TAOK3: variants seen among roughly 807,000 people sequenced by gnomAD.
TAOK3 encodes the protein serine/threonine-protein kinase TAO3.
TAOK3 carries 40 observed loss-of-function variants against 120.4 expected under a neutral mutation model. The observed-to-expected ratio is 0.33, with a 90% CI of 0.26 to 0.43. The LOEUF (loss-of-function observed/expected upper bound fraction) is 0.43. TAOK3 is among the 20% of genes least tolerant of loss of function. TAOK3 has a pLI of 1.00. For missense variants in TAOK3, 821 were observed against 1,112.1 expected (o/e 0.74, Z 3.72); for synonymous variants, 355 against 387.5 (o/e 0.92, Z 0.99).
intron 17 of TAOK3, among the ~76,000 whole-genome samples, chr12:118,164,665 G>A (rs1032561286): frequency 3.9e-5 from 6 of 152,080 alleles, no homozygotes; most frequent in Non-Finnish European, 5.9e-5. Flanking sequence ...TGATCCACCC[G>A]CCTCGGCCTT....
At chr12:118,275,714 T>C (rs2041879450) in intron 1 of TAOK3, among the ~76,000 whole-genome samples, 2 of 152,240 alleles carry the variant, frequency 1.3e-5, no homozygotes, top group Non-Finnish European at 2.9e-5. Flanking sequence ...CTTTAGGTTC[T>C]TTCCTGTTCT....
intron 15 of TAOK3, among the ~76,000 whole-genome samples, chr12:118,180,739 T>A (rs2036663148): frequency 6.6e-6 from 1 of 152,208 alleles, no homozygotes. Flanking sequence ...GCAGATACAG[T>A]AACAGACTTT....
intron 9 of TAOK3, among the ~76,000 whole-genome samples, chr12:118,221,891 C>T (rs1398193048): frequency 6.6e-6 from 1 of 151,830 alleles, no homozygotes; most frequent in Non-Finnish European, 1.5e-5. Flanking sequence ...GCCTCGGCCT[C>T]CTAAAGTGCT....
At chr12:118,154,127 T>A (rs758999461) in intron 19 of TAOK3, among the ~76,000 whole-genome samples, 1 of 152,208 alleles carries the variant, frequency 6.6e-6, no homozygotes, top group Admixed American at 6.5e-5. Flanking sequence ...CCTCTTGATA[T>A]GGGAGGTTCC....
chr12:118,368,649 T>A (rs1418044331), intron 1 of TAOK3, among the ~76,000 whole-genome samples: 1 of 149,766 alleles, frequency 6.7e-6, no homozygotes, highest in Non-Finnish European at 1.5e-5. Context: ...CTAATAAAAA[T>A]ACAAACATTA....
At chr12:118,191,066 C>A (rs1177553981) in intron 13 of TAOK3, among the ~76,000 whole-genome samples, 1 of 152,016 alleles carries the variant, frequency 6.6e-6, no homozygotes, top group Admixed American at 6.6e-5. Flanking sequence ...TTATCCATGA[C>A]CACTTGAAAT....
intron 15 of TAOK3, among the ~76,000 whole-genome samples, chr12:118,178,000 G>A (rs1593051087): frequency 6.6e-6 from 1 of 152,238 alleles, no homozygotes; most frequent in South Asian, 2.1e-4. Context: ...AGGCTGGAGT[G>A]CAGTGGCTCG....
chr12:118,169,960 A>T (rs2035895574), intron 17 of TAOK3, among the ~76,000 whole-genome samples: 1 of 151,862 alleles, frequency 6.6e-6, no homozygotes, highest in Non-Finnish European at 1.5e-5. Context: ...CGACCTCGTG[A>T]TCCGCCCGCC....
At chr12:118,296,963 G>A (rs982243139) in intron 1 of TAOK3, 5 of 152,100 alleles carry the variant, frequency 3.3e-5, no homozygotes, top group Non-Finnish European at 5.9e-5. Context: ...GCCTTCAGGC[G>A]GGACATGAAC....
At chr12:118,325,313 T>G (rs890503694) in intron 1 of TAOK3, among the ~76,000 whole-genome samples, 1 of 152,246 alleles carries the variant, frequency 6.6e-6, no homozygotes, top group African/African-American at 2.4e-5. Flanking sequence ...TTCTCCATAG[T>G]GGCTGTACTA....
intron 3 of TAOK3, among the ~76,000 whole-genome samples, chr12:118,252,086 C>G (rs1486425038): frequency 6.6e-6 from 1 of 152,160 alleles, no homozygotes; most frequent in South Asian, 2.1e-4. Context: ...CTCCCAAGTG[C>G]TGGGACTACA....
At position 118,371,948 on chromosome 12, in the gene TAOK3, C is replaced by G. The variant is rs1176871596; in HGVS notation, c.-194+700G>C. Among the ~76,000 whole-genome samples, 1 of 150,850 alleles carries G rather than the reference C, an allele frequency of 6.6e-6. No homozygotes were observed. The highest frequency in any genetic ancestry group is 6.6e-5 in the Admixed American group (1 of 15,190). On this transcript the variant is annotated intron_variant, in intron 1 of 20. Coordinates refer to ENST00000392533, the MANE Select transcript of TAOK3 (RefSeq NM_016281.4). This position sits in a 1 kb window ranked among gnomAD's most constrained non-coding sequence, Gnocchi z 5.5. ...GGTCACCCTGCTCCCACCCGCTGTC[C>G]CGGCCTCTCTCTAGGTGTCCTGCTC...
At chr12:118,244,638 C>T (rs1338316351) in intron 4 of TAOK3, among the ~76,000 whole-genome samples, 1 of 150,200 alleles carries the variant, frequency 6.7e-6, no homozygotes, top group East Asian at 2.0e-4. Flanking sequence ...ACGCCATTCT[C>T]CTGCCTCAGT....
intron 1 of TAOK3, among the ~76,000 whole-genome samples, chr12:118,321,970 A>T (rs1413031233): frequency 6.6e-6 from 1 of 152,180 alleles, no homozygotes; most frequent in African/African-American, 2.4e-5. Context: ...ATTTAAAAGC[A>T]ATGTGTAAGA....
rs1027017972 is a variant in TAOK3 at position 118,152,501 on chromosome 12, C to T, written c.2353-92G>A. 3 of 1,334,272 alleles carry T rather than the reference C, an allele frequency of 2.2e-6. No homozygotes were observed. In the South Asian group the frequency reaches 4.3e-5, roughly 19 times the overall value. 82.7% of individuals were successfully genotyped at this position (1,334,272 alleles called of 1,614,324 possible). On this transcript the variant is annotated intron_variant, in intron 19 of 20. Coordinates refer to ENST00000392533, the MANE Select transcript of TAOK3 (RefSeq NM_016281.4). ...TGGTGACTACTGGAAGAGGTTTCCT[C>T]ATTTGGATTGAAATTGGTTGCCCCC...
chr12:118,223,522 A>G (rs965464871), intron 9 of TAOK3, among the ~76,000 whole-genome samples: 5 of 147,240 alleles, frequency 3.4e-5, no homozygotes, highest in African/African-American at 1.3e-4. Context: ...AATTTTTTGT[A>G]TTTTTAGTAG....
At chr12:118,260,593 T>C (rs1413023874) in intron 2 of TAOK3, among the ~76,000 whole-genome samples, 2 of 152,254 alleles carry the variant, frequency 1.3e-5, no homozygotes, top group South Asian at 2.1e-4. Context: ...ATTCCATATA[T>C]TGAAAAGGGT....
chr12:118,258,775 A>G (rs939100277), intron 2 of TAOK3, among the ~76,000 whole-genome samples: 4 of 152,142 alleles, frequency 2.6e-5, no homozygotes, highest in Admixed American at 6.5e-5. Context: ...AACAACAAAA[A>G]AAGAATCAAT....
rs2045881859 is a variant in TAOK3, at chr12:118,371,230, G to A, written c.-194+1418C>T. Among the ~76,000 whole-genome samples, 1 of 152,160 alleles carries A rather than the reference G, an allele frequency of 6.6e-6. No individual in the cohort carries two copies. The highest frequency in any genetic ancestry group is 2.4e-5 in the African/African-American group (1 of 41,430). ...TAATCTAAAACACGGGTCTCCAAAA[G>A]GATCCCTGTCCCTTTCAACTTCTTG... On this transcript the variant is annotated intron_variant, in intron 1 of 20. Coordinates refer to ENST00000392533, the MANE Select transcript of TAOK3 (RefSeq NM_016281.4). This position sits in a 1 kb window ranked among gnomAD's most constrained non-coding sequence, Gnocchi z 5.5.
Sources: gnomAD v4.1 joint callset for allele counts (sites outside exome capture counted in the v4.1 genomes callset) on GRCh38, gnomAD v4.1.1 for gene constraint, Gnocchi (gnomAD v3.1) non-coding constraint, MANE v1.5 for transcripts, NCBI Gene and HGNC (gene_info 2026-07-23, HGNC 2026-07-21) for gene names.